The following CRTC1 variants were observed in gnomAD, a reference collection of about 807,000 sequenced individuals.
The protein encoded by CRTC1 is CREB regulated transcription coactivator 1.
In CRTC1, 18 loss-of-function variants were observed where a neutral mutation model predicts 66.1. That is an observed-to-expected ratio of 0.27 (90% CI 0.19 to 0.40). CRTC1 has a LOEUF of 0.40. Among genes scored for constraint, CRTC1 ranks in the 10% least tolerant of loss-of-function variants. The pLI, the probability that CRTC1 is intolerant of heterozygous loss-of-function variation, is 1.00. For synonymous variants in CRTC1, 416 were observed against 398.8 expected, an observed-to-expected ratio of 1.04 and a Z score of -0.51; for missense variants, 669 against 887.9, an observed-to-expected ratio of 0.75 and a Z score of 3.13.
chr19:18,703,545 C>T (rs775045654), intron 1 of CRTC1, among the ~76,000 whole-genome samples: 16 of 152,084 alleles, frequency 1.1e-4, no homozygotes, highest in Non-Finnish European at 2.1e-4. Context: ...TGCAAGCAAC[C>T]TCCACCTCCC....
intron 1 of CRTC1, among the ~76,000 whole-genome samples, chr19:18,723,863 G>A (rs1157900648): frequency 3.3e-5 from 5 of 152,202 alleles, no homozygotes; most frequent in African/African-American, 4.8e-5. Context: ...CAGCAGCCTC[G>A]TCAGTGTGGG....
intron 2 of CRTC1, among the ~76,000 whole-genome samples, chr19:18,744,491 A>AACACACAC (rs56007866): frequency 2.0e-5 from 3 of 148,806 alleles, no homozygotes; most frequent in Admixed American, 6.7e-5. Flanking sequence ...CACACACACA[A>AACACACAC]ACACACACAC....
intron 1 of CRTC1, among the ~76,000 whole-genome samples, chr19:18,729,318 C>A (rs1168136606): frequency 6.7e-6 from 1 of 149,874 alleles, no homozygotes; most frequent in Non-Finnish European, 1.5e-5. Flanking sequence ...CCCAGCTACT[C>A]AGGGGGCTGA....
intron 8 of CRTC1, among the ~76,000 whole-genome samples, chr19:18,762,707 CT>C (rs1436609667): frequency 6.6e-6 from 1 of 152,246 alleles, no homozygotes; most frequent in East Asian, 1.9e-4. Flanking sequence ...TCCCCTCCAG[CT>C]GGCTCTGTGC....
chr19:18,776,614 A>C (rs1484046350), intron 13 of CRTC1, among the ~76,000 whole-genome samples: 1 of 152,240 alleles, frequency 6.6e-6, no homozygotes, highest in Non-Finnish European at 1.5e-5. Flanking sequence ...CCTCAGACTC[A>C]GGAGAAGAAT....
chr19:18,742,421 C>T (rs1262514107), intron 1 of CRTC1, among the ~76,000 whole-genome samples: 3 of 152,162 alleles, frequency 2.0e-5, no homozygotes, highest in Non-Finnish European at 2.9e-5. Flanking sequence ...TGTGGGCTGC[C>T]GTCGGGATCA....
At position 18,777,130 on chromosome 19, in the gene CRTC1, C is replaced by A; in HGVS notation, c.1694-41C>A. 8.7e-7 allele frequency: 1 copy of A among 1,147,956 alleles called. No homozygotes were observed. Among genetic ancestry groups the A allele is most frequent in the Non-Finnish European group, 1.3e-6 (1 of 767,902 alleles). The allele number at this position is 1,147,956 out of a possible 1,614,324, so 71.1% of individuals were successfully genotyped here. A position where few individuals can be genotyped will look rare whatever the true frequency, so the allele number is the denominator to read the frequency against. On this transcript the variant is annotated intron_variant, in intron 13 of 13. Transcript: ENST00000321949. This position sits in a 1 kb window ranked among gnomAD's most constrained non-coding sequence, Gnocchi z 5.5. ...GACACATGGATGCGAGCGATGGAGCCAGGGCTAAGCAGTGCCTTTTGTCCC... is the reference window on the plus strand; with the variant it reads ...GACACATGGATGCGAGCGATGGAGCAAGGGCTAAGCAGTGCCTTTTGTCCC...
At chr19:18,718,706 C>A (rs1326571888) in intron 1 of CRTC1, among the ~76,000 whole-genome samples, 1 of 152,078 alleles carries the variant, frequency 6.6e-6, no homozygotes, top group Non-Finnish European at 1.5e-5. Context: ...ATTCATTCAT[C>A]CCTTGGCACA....
intron 1 of CRTC1, among the ~76,000 whole-genome samples, chr19:18,722,716 C>T (rs915917284): frequency 3.3e-5 from 5 of 152,206 alleles, no homozygotes; most frequent in African/African-American, 9.7e-5. Context: ...CTTCTGTCTG[C>T]GCCCAGAACA....
At chr19:18,731,594 A>G (rs1463296387) in intron 1 of CRTC1, among the ~76,000 whole-genome samples, 1 of 152,200 alleles carries the variant, frequency 6.6e-6, no homozygotes, top group African/African-American at 2.4e-5. Context: ...CATCTAACAC[A>G]GGACCCGATT....
chr19:18,761,279 A>C (rs2054608942), intron 8 of CRTC1, among the ~76,000 whole-genome samples: 1 of 151,934 alleles, frequency 6.6e-6, no homozygotes, highest in African/African-American at 2.4e-5. Context: ...CTGCGTCCCC[A>C]TTGGCTGTGC....
intron 1 of CRTC1, among the ~76,000 whole-genome samples, chr19:18,726,461 A>C (rs1228042379): frequency 2.0e-5 from 3 of 152,184 alleles, no homozygotes; most frequent in Non-Finnish European, 4.4e-5. Flanking sequence ...GCTGGAGGTG[A>C]CCTGGGGTTT....
chr19:18,717,493 A>G (rs2053534243), intron 1 of CRTC1, among the ~76,000 whole-genome samples: 1 of 151,982 alleles, frequency 6.6e-6, no homozygotes, highest in South Asian at 2.1e-4. Flanking sequence ...GATCACCCCA[A>G]ACACTGTCCC....
At chr19:18,758,385 A>T (rs1259337992) in intron 6 of CRTC1, among the ~76,000 whole-genome samples, 1 of 152,004 alleles carries the variant, frequency 6.6e-6, no homozygotes, top group African/African-American at 2.4e-5. Context: ...AGAAAGAAAA[A>T]AAAGGCAGAG....
chr19:18,770,792 ATGTG>A lies in CRTC1; in HGVS notation c.1321-643_1321-640del, dbSNP rs560881555. Among the ~76,000 whole-genome samples the A allele has an allele frequency of 7.4e-3, 1,082 of 145,658 alleles. 9 individuals carry two copies. Among genetic ancestry groups the A allele is most frequent in the South Asian group, 0.021 (94 of 4,538 alleles). The stretch of plus-strand genomic sequence containing the variant: ...TGTGTACATTTTGGTGTGTGAATAT[ATGTG>A]TGTGTGGGTGTGTACATGCGTGGGT... On this transcript the variant is annotated intron_variant, in intron 10 of 13. Transcript: ENST00000321949.
intron 1 of CRTC1, among the ~76,000 whole-genome samples, chr19:18,703,269 G>A (rs531295643): frequency 5.9e-4 from 89 of 152,130 alleles, no homozygotes; most frequent in Admixed American, 9.2e-4. Context: ...TCCTGACCTC[G>A]TGATCTGCCC....
In CRTC1 at chr19:18,768,516, A is replaced by G. The variant is rs1408618897; in HGVS notation, c.1043A>G (p.Gln348Arg). ...GCCATGGACGCCCTGTCTCTGGAGC[A>G]GCAGCTGCCCTACGCCTTCTTCACC... ...AVAMDALSLE[Q>R]QLPYAFFTQA... The change falls in exon 10 of 14, where the codon CAG (glutamine) becomes CGG (arginine). Residue 348 changes from glutamine (Q) to arginine (R), a missense_variant. Gln to Arg is a conservative substitution (Grantham distance 43, BLOSUM62 1). Transcript: ENST00000321949. The surrounding 1 kb of genome is among the most constrained non-coding windows in gnomAD (Gnocchi z 5.6). 6.2e-7 allele frequency: 1 copy of G among 1,609,940 alleles called. No individual in the cohort carries two copies. Among genetic ancestry groups the G allele is most frequent in the Admixed American group, 1.7e-5 (1 of 59,920 alleles).
At position 18,765,543 on chromosome 19, in the gene CRTC1, T is replaced by TGGGG; in HGVS notation, c.1011+18_1011+21dup. The TGGGG allele has an allele frequency of 6.3e-7, 1 of 1,594,270 alleles. No individual in the cohort carries two copies. On this transcript the variant is annotated intron_variant, in intron 9 of 13. Coordinates refer to ENST00000321949, the MANE Select transcript of CRTC1 (RefSeq NM_015321.3). ...CCATCACTCAGGTGCGAGGGCAAGG[T>TGGGG]GGGGGGCAGGTGGGAGGGGGAAAGG...
At chr19:18,752,920 G>A (rs909117148) in intron 5 of CRTC1, among the ~76,000 whole-genome samples, 2 of 151,744 alleles carry the variant, frequency 1.3e-5, no homozygotes, top group Non-Finnish European at 2.9e-5. Context: ...TTACAGGCGT[G>A]AGCCACCACG....
Sources: allele counts gnomAD v4.1 joint callset (sites outside exome capture counted in the v4.1 genomes callset), GRCh38; gene constraint gnomAD v4.1.1; non-coding constraint Gnocchi (gnomAD v3.1); transcripts MANE v1.5; gene names NCBI Gene and HGNC (gene_info 2026-07-23, HGNC 2026-07-21).